Variants in NANOS3 observed in about 807,000 individuals in gnomAD.
NANOS3 encodes the protein nanos C2HC-type zinc finger 3.
NANOS3 carries 11 observed loss-of-function variants against 13.8 expected under a neutral mutation model. That is an observed-to-expected ratio of 0.80 (90% CI 0.50 to 1.32). NANOS3 has a LOEUF of 1.32. Ranked by LOEUF, NANOS3 falls within the 40% of genes most tolerant of loss-of-function variation. The pLI is 0.00. For missense variants in NANOS3, 221 were observed against 263.8 expected (o/e 0.84, Z 1.12); for synonymous variants, 119 against 115.4 (o/e 1.03, Z -0.20).
chr19:13,876,930 G>T (rs952379108), upstream of NANOS3, among the ~76,000 whole-genome samples: 1 of 152,126 alleles, frequency 6.6e-6, no homozygotes, highest in Non-Finnish European at 1.5e-5. Flanking sequence ...GTGTACGGGG[G>T]GCTGTGGTGC....
In NANOS3 at chr19:13,877,518, C is replaced by A; in HGVS notation, c.270C>A (p.Tyr90Ter). Residue 90 changes from tyrosine (Y) to a stop codon, truncating the protein, a stop_gained, in exon 1 of 2, where the codon TAC becomes TAA. Transcript: ENST00000339133. LOFTEE classifies it high-confidence loss of function. ...ACAACGGCGAGTCCCGGGCCATCTA[C>A]CAGTCCCACGTGCTGAAGGACGAGG... is the stretch of plus-strand genomic sequence containing the variant. ...CKHNGESRAI[Y>*]QSHVLKDEAG... is the part of the protein sequence containing the mutation. 1 of 1,612,086 alleles carries A rather than the reference C, an allele frequency of 6.2e-7. No individual in the cohort carries two copies. Among genetic ancestry groups the A allele is most frequent in the Non-Finnish European group, 8.5e-7 (1 of 1,179,998 alleles).
In NANOS3 at chr19:13,877,531, C is replaced by T; in HGVS notation, c.283C>T (p.Leu95=). The T allele has an allele frequency of 6.2e-7, 1 of 1,612,390 alleles. No individual in the cohort carries two copies. The highest frequency in any genetic ancestry group is 1.1e-5 in the South Asian group (1 of 91,090). ...CCGGGCCATCTACCAGTCCCACGTG[C>T]TGAAGGACGAGGCTGGCAGGGTGCT... ...ESRAIYQSHV[L]KDEAGRVLCP... Residue 95 remains leucine, a synonymous_variant, in exon 1 of 2, where the codon CTG becomes TTG. Transcript: ENST00000339133.
At chr19:13,874,376 C>T (rs902398715), upstream of NANOS3, among the ~76,000 whole-genome samples, 6 of 152,248 alleles carry the variant, frequency 3.9e-5, no homozygotes, top group Non-Finnish European at 8.8e-5. Flanking sequence ...CCACCTCGGA[C>T]TAGCAGTGGC....
In NANOS3 at chr19:13,880,753, C is replaced by T. The variant is rs1968622454; in HGVS notation, c.*250C>T. The stretch of plus-strand genomic sequence containing the variant: ...CAATAAATGCTTATGAATGGATCAA[C>T]AACAGACAAGCCCTGGTCTTGGGAC... On this transcript the variant is annotated 3_prime_UTR_variant, in exon 2 of 2. Transcript: ENST00000339133. 6 of 532,558 alleles carry T rather than the reference C, an allele frequency of 1.1e-5. No individual in the cohort carries two copies. Among genetic ancestry groups the T allele is most frequent in the Admixed American group, 3.4e-5 (1 of 29,494 alleles). The allele number at this position is 532,558 out of a possible 1,614,324, so 33.0% of individuals were successfully genotyped here. A position where few individuals can be genotyped will look rare whatever the true frequency, so the allele number is the denominator to read the frequency against.
At chr19:13,878,879 G>A (rs1047527351) in intron 1 of NANOS3, among the ~76,000 whole-genome samples, 1 of 152,052 alleles carries the variant, frequency 6.6e-6, no homozygotes, top group Non-Finnish European at 1.5e-5. Context: ...ATCCCAAAAT[G>A]CTAGGATTAT....
rs367929636 is a variant in NANOS3, at chr19:13,879,185, C to T, written c.518-1257C>T. 1.6e-3 allele frequency among the ~76,000 whole-genome samples: 248 copies of T among 151,498 alleles called. 1 individual carries two copies. The highest frequency in any genetic ancestry group is 3.2e-3 in the Admixed American group (49 of 15,218). On this transcript the variant is annotated intron_variant, in intron 1 of 1. Coordinates refer to ENST00000339133, the MANE Select transcript of NANOS3 (RefSeq NM_001098622.3). ...TGAACTCCTGACCTCGAGATCCACC[C>T]GCCTTAGCCTCCCGAAGTGCTGATA...
At chr19:13,875,417 C>A (rs923796201), upstream of NANOS3, among the ~76,000 whole-genome samples, 1 of 150,892 alleles carries the variant, frequency 6.6e-6, no homozygotes, top group Non-Finnish European at 1.5e-5. Flanking sequence ...AAACTCCTGA[C>A]CTCAAGTAAT....
chr19:13,870,471 G>T (rs940840503), intron 1 of NANOS3, among the ~76,000 whole-genome samples: 2 of 151,134 alleles, frequency 1.3e-5, no homozygotes, highest in Admixed American at 6.6e-5. Context: ...TCTCACCTCC[G>T]ACTCTGATCC....
upstream of NANOS3, among the ~76,000 whole-genome samples, chr19:13,872,393 G>A (rs141159919): frequency 1.3e-5 from 2 of 150,786 alleles, no homozygotes; most frequent in East Asian, 3.9e-4. Context: ...GTCTCACTGT[G>A]TTTTCCAGGC....
chr19:13,863,394 T>A (rs1185065409), upstream of NANOS3, among the ~76,000 whole-genome samples: 5 of 152,036 alleles, frequency 3.3e-5, no homozygotes, highest in African/African-American at 1.2e-4. Flanking sequence ...TTTAATTTTA[T>A]TTTTGTAGAG....
At chr19:13,878,515 G>T (rs1034587010) in intron 1 of NANOS3, among the ~76,000 whole-genome samples, 11 of 152,194 alleles carry the variant, frequency 7.2e-5, no homozygotes, top group African/African-American at 2.6e-4. Flanking sequence ...GGGATTACAG[G>T]CATCAGCCAC....
Position 13,877,744 on chromosome 19 carries a change from CGAG to C in NANOS3, c.512_514del (p.Gly171del), listed in dbSNP as rs148122339. 434 of 1,564,350 alleles carry C rather than the reference CGAG, an allele frequency of 2.8e-4. No individual in the cohort carries two copies. Among genetic ancestry groups the C allele is most frequent in the South Asian group, 7.6e-4 (65 of 85,842 alleles). Reference sequence around the variant, plus strand: ...GAAGACACAGGACACAGGCCACCGCCGAGGAGGAGGAGGAGGAGCAGGTGCCTG... The same window carrying C: ...GAAGACACAGGACACAGGCCACCGCCGAGGAGGAGGAGGAGCAGGTGCCTG... On this transcript the variant is annotated inframe_deletion, in exon 1 of 2. Transcript: ENST00000339133.
chr19:13,868,922 TACAC>T (rs1209123798), intron 1 of NANOS3, among the ~76,000 whole-genome samples: 6 of 151,816 alleles, frequency 4.0e-5, no homozygotes, highest in African/African-American at 1.2e-4. Flanking sequence ...CACAGGAACT[TACAC>T]ACACACGCAC....
upstream of NANOS3, chr19:13,874,893 C>T (rs1003104628): frequency 9.5e-6 from 5 of 525,184 alleles, no homozygotes; most frequent in African/African-American, 3.9e-5. Context: ...CCCTAGGCCA[C>T]AGCCGAGGTC....
At chr19:13,864,282 G>A (rs1442531287), upstream of NANOS3, among the ~76,000 whole-genome samples, 1 of 152,130 alleles carries the variant, frequency 6.6e-6, no homozygotes, top group African/African-American at 2.4e-5. Context: ...CCCATCCTTT[G>A]TACAGCTTGC....
upstream of NANOS3, chr19:13,874,596 T>C: frequency 2.4e-6 from 1 of 417,608 alleles, no homozygotes; most frequent in Non-Finnish European, 5.1e-6. Flanking sequence ...CTGAAAAGCG[T>C]TTGTTTATTT....
chr19:13,869,963 C>T (rs1489540400), intron 1 of NANOS3, among the ~76,000 whole-genome samples: 1 of 152,054 alleles, frequency 6.6e-6, no homozygotes, highest in Non-Finnish European at 1.5e-5. Flanking sequence ...GTCAAGACTT[C>T]AAGAATCACG....
chr19:13,879,983 G>A (rs566894189), intron 1 of NANOS3, among the ~76,000 whole-genome samples: 11 of 152,288 alleles, frequency 7.2e-5, no homozygotes, highest in South Asian at 2.1e-4. Flanking sequence ...CTGAGGTCAC[G>A]TCACTGCACT....
Position 13,880,560 on chromosome 19 carries a change from C to A in NANOS3, c.*57C>A. 1 of 1,503,392 alleles carries A rather than the reference C, an allele frequency of 6.7e-7. No individual in the cohort carries two copies. Among genetic ancestry groups the A allele is most frequent in the Admixed American group, 1.7e-5 (1 of 59,456 alleles). 93.1% of individuals were successfully genotyped at this position (1,503,392 alleles called of 1,614,324 possible). A position where few individuals can be genotyped will look rare whatever the true frequency, so the allele number is the denominator to read the frequency against. On this transcript the variant is annotated 3_prime_UTR_variant, in exon 2 of 2. Transcript: ENST00000339133. ...GGCTCGGCTGGATTTCCAGGAAGAC[C>A]CACCCTATGACGACTGCCCCCACTC...
Sources: gnomAD v4.1 joint callset for allele counts (sites outside exome capture counted in the v4.1 genomes callset) on GRCh38, gnomAD v4.1.1 for gene constraint, MANE v1.5 for transcripts, NCBI Gene and HGNC (gene_info 2026-07-23, HGNC 2026-07-21) for gene names.